Variants in TENM3 observed in about 807,000 individuals in gnomAD.
The protein encoded by TENM3 is teneurin transmembrane protein 3.
A neutral mutation model predicts 255.1 loss-of-function variants in TENM3; 63 were observed. That is an observed-to-expected ratio of 0.25 (90% CI 0.20 to 0.30). TENM3 has a LOEUF of 0.30. Among genes scored for constraint, TENM3 ranks in the 10% least tolerant of loss-of-function variants. The probability of loss-of-function intolerance (pLI) is 1.00; values close to 1 mark genes in which losing one functional copy is unlikely to be tolerated. For synonymous variants in TENM3, 1,306 were observed against 1,322.3 expected (o/e 0.99, Z 0.27); for missense variants, 2,929 against 3,461.1 (o/e 0.85, Z 3.86).
intron 3 of TENM3, among the ~76,000 whole-genome samples, chr4:182,490,550 T>C (rs1485718012): frequency 2.6e-5 from 4 of 152,110 alleles, no homozygotes; most frequent in East Asian, 1.9e-4. Flanking sequence ...AGATGTCAGA[T>C]TCCAGGGGAA....
chr4:182,514,513 A>G (rs1737740680), intron 3 of TENM3, among the ~76,000 whole-genome samples: 1 of 152,144 alleles, frequency 6.6e-6, no homozygotes, highest in Non-Finnish European at 1.5e-5. Context: ...TGGTTTTGAA[A>G]CTTTTATGAC....
the TENM3 span, among the ~76,000 whole-genome samples, chr4:181,868,680 A>G: frequency 1.3e-5 from 2 of 152,230 alleles, no homozygotes. Context: ...GCATTGACTG[A>G]TTAAATTGGT....
chr4:182,744,472 C>CA (rs1761860487), intron 19 of TENM3, among the ~76,000 whole-genome samples: 1 of 152,152 alleles, frequency 6.6e-6, no homozygotes, highest in East Asian at 1.9e-4. Flanking sequence ...CCGACACAAT[C>CA]TAAGCCATGT....
the TENM3 span, among the ~76,000 whole-genome samples, chr4:181,589,200 A>G: frequency 5.7e-3 from 863 of 152,290 alleles, 11 homozygotes; most frequent in African/African-American, 0.02. Flanking sequence ...AAATTTGATC[A>G]GGGAATTTTA....
rs1222243204 is a variant in TENM3, at chr4:182,730,303, A to G, written c.2689A>G (p.Thr897Ala). 3.7e-6 allele frequency: 6 copies of G among 1,613,500 alleles called. No individual in the cohort carries two copies. The African/African-American group carries it at 8.0e-5, about 22-fold the overall frequency. Residue 897 changes from threonine to alanine, a missense_variant, in exon 15 of 28, where the codon ACC becomes GCC. Physicochemically the swap from Thr to Ala is moderately conservative, Grantham distance 58. This residue lies in a region of TENM3 where 1,608 missense variants were observed against 1,884.4 expected (regional missense o/e 0.85). Transcript: ENST00000511685. The part of the protein sequence containing the change: ...FHYPEYGYTI[T>A]RQDGMFDLVA... ...TTACCCAGAATATGGATATACTATTACCCGCCAGGACGGAATGTGAGTTAG... is the reference window on the plus strand; with the variant it reads ...TTACCCAGAATATGGATATACTATTGCCCGCCAGGACGGAATGTGAGTTAG...
chr4:182,368,795 G>C (rs78636320), intron 3 of TENM3, among the ~76,000 whole-genome samples: 2,701 of 152,256 alleles, frequency 0.018, 42 homozygotes, highest in East Asian at 0.059. Context: ...CAAGTAGCTT[G>C]TACGGCATGT....
At chr4:181,797,300 A>T in the TENM3 span, among the ~76,000 whole-genome samples, 1 of 152,200 alleles carries the variant, frequency 6.6e-6, no homozygotes, top group East Asian at 1.9e-4. Context: ...GGCAACAAAA[A>T]AGGGCCAATA....
the TENM3 span, among the ~76,000 whole-genome samples, chr4:181,524,388 G>T: frequency 6.6e-6 from 1 of 152,148 alleles, no homozygotes; most frequent in Non-Finnish European, 1.5e-5. Context: ...GACACGAAAG[G>T]CTTAAATGAA....
chr4:182,569,686 G>A (rs1229208789), intron 3 of TENM3, among the ~76,000 whole-genome samples: 2 of 152,150 alleles, frequency 1.3e-5, no homozygotes, highest in African/African-American at 2.4e-5. Context: ...GTGACAGGAC[G>A]TCAACAAGAG....
chr4:182,515,272 G>A (rs1472756104), intron 3 of TENM3, among the ~76,000 whole-genome samples: 9 of 152,076 alleles, frequency 5.9e-5, no homozygotes, highest in Non-Finnish European at 1.2e-4. Flanking sequence ...TAAGTGAGGC[G>A]CAGAAAAAAT....
intron 24 of TENM3, among the ~76,000 whole-genome samples, chr4:182,777,547 C>CTTTTTTTTTTTTTTTTTTTTT (rs1157448732): frequency 2.2e-5 from 1 of 45,470 alleles, no homozygotes; most frequent in Non-Finnish European, 4.0e-5. Flanking sequence ...GTGTGTATTT[C>CTTTTTTTTTTTTTTTTTTTTT]TTTTTTTTTT....
intron 3 of TENM3, among the ~76,000 whole-genome samples, chr4:182,568,759 T>C (rs1744050778): frequency 6.6e-6 from 1 of 152,060 alleles, no homozygotes; most frequent in South Asian, 2.1e-4. Flanking sequence ...GGAGAAGGGA[T>C]TGTGATATAT....
chr4:181,810,157 C>T, the TENM3 span, among the ~76,000 whole-genome samples: 1 of 152,158 alleles, frequency 6.6e-6, no homozygotes, highest in Non-Finnish European at 1.5e-5. Flanking sequence ...CAGGACTGTG[C>T]ACTGTGGGAG....
rs918001100 is a variant in TENM3 at position 182,221,422 on chromosome 4, T to C, written c.-76+76668T>C. ...CCAAAATGAAGAGATAATCTAGGAA[T>C]TGGTATAAAGTGGCCACTACCCAAA... is the stretch of plus-strand genomic sequence containing the variant. On this transcript the variant is annotated intron_variant, in intron 1 of 2. Transcript: ENST00000512480. Among the ~76,000 whole-genome samples, 21 of 152,324 alleles carry C rather than the reference T, an allele frequency of 1.4e-4. No homozygotes were observed. The East Asian group carries it at 3.7e-3, about 27-fold the overall frequency.
chr4:181,888,484 A>G, the TENM3 span, among the ~76,000 whole-genome samples: 1 of 120,244 alleles, frequency 8.3e-6, no homozygotes, highest in Non-Finnish European at 1.7e-5. Context: ...AACAAAACCA[A>G]TAGAAATGTG....
At chr4:181,488,984 C>T in the TENM3 span, among the ~76,000 whole-genome samples, 8 of 152,268 alleles carry the variant, frequency 5.3e-5, no homozygotes, top group South Asian at 8.3e-4. Flanking sequence ...CCTTGATCAG[C>T]CTCAAGGTCC....
chr4:182,066,403 A>G, the TENM3 span, among the ~76,000 whole-genome samples: 23 of 152,236 alleles, frequency 1.5e-4, no homozygotes, highest in African/African-American at 5.3e-4. Context: ...TAATGATGTC[A>G]ATAACAACAA....
At chr4:181,620,761 T>C in the TENM3 span, among the ~76,000 whole-genome samples, 2 of 151,588 alleles carry the variant, frequency 1.3e-5, no homozygotes, top group Non-Finnish European at 2.9e-5. Context: ...AAAATGACAA[T>C]ACCTAAATTG....
chr4:182,537,870 ATATATT>A (rs555132737), intron 3 of TENM3, among the ~76,000 whole-genome samples: 1 of 152,182 alleles, frequency 6.6e-6, no homozygotes, highest in African/African-American at 2.4e-5. Flanking sequence ...GCAAACTGAA[ATATATT>A]TATATGACCA....
Sources: gnomAD v4.1 joint callset for allele counts (sites outside exome capture counted in the v4.1 genomes callset) on GRCh38, gnomAD v4.1.1 for gene constraint, gnomAD v4.1.1 regional missense constraint, MANE v1.5 for transcripts, NCBI Gene and HGNC (gene_info 2026-07-23, HGNC 2026-07-21) for gene names.